The following SPATA1 variants were observed in gnomAD, a reference collection of about 807,000 sequenced individuals.
SPATA1 encodes spermatogenesis-associated protein 1.
A neutral mutation model predicts 59.6 loss-of-function variants in SPATA1; 57 were observed. The observed-to-expected ratio is 0.96, with a 90% CI of 0.77 to 1.19. SPATA1 has a LOEUF of 1.19. Ranked by LOEUF, SPATA1 falls within the 50% of genes most tolerant of loss-of-function variation. The pLI is 0.00. For missense variants in SPATA1, 448 were observed against 480.7 expected (o/e 0.93, Z 0.64); for synonymous variants, 147 against 163.9 (o/e 0.90, Z 0.79).
intron 1 of SPATA1, among the ~76,000 whole-genome samples, chr1:84,513,335 A>C (rs1682654632): frequency 6.6e-6 from 1 of 152,170 alleles, no homozygotes; most frequent in Non-Finnish European, 1.5e-5. Flanking sequence ...GGGTTTCTCC[A>C]TGTTGGTCAG....
At chr1:84,552,870 T>C (rs1301667452) in intron 12 of SPATA1, 1 of 553,024 alleles carries the variant, frequency 1.8e-6, no homozygotes, top group East Asian at 3.2e-5. Context: ...ACAGCATTCA[T>C]AATCTACACA....
chr1:84,556,645 GA>G (rs1684438939), downstream of SPATA1, among the ~76,000 whole-genome samples: 1 of 148,108 alleles, frequency 6.8e-6, no homozygotes, highest in African/African-American at 2.5e-5. Context: ...CCAGGAGACG[GA>G]GGTTGCAGTA....
intron 2 of SPATA1, among the ~76,000 whole-genome samples, chr1:84,518,131 C>G (rs1682872026): frequency 6.6e-6 from 1 of 151,778 alleles, no homozygotes; most frequent in African/African-American, 2.4e-5. Flanking sequence ...GACAACTGAC[C>G]CAATATCTTT....
At chr1:84,508,233 G>C (rs955723072) in intron 1 of SPATA1, among the ~76,000 whole-genome samples, 1 of 151,196 alleles carries the variant, frequency 6.6e-6, no homozygotes, top group African/African-American at 2.4e-5. Context: ...GCAGTGAGCC[G>C]AGATGGCACC....
At chr1:84,551,373 A>C in intron 12 of SPATA1, 1 of 754,894 alleles carries the variant, frequency 1.3e-6, no homozygotes. Flanking sequence ...AAAAATAAAA[A>C]TAAATAAAAT....
chr1:84,536,145 A>G (rs760934401), intron 8 of SPATA1, among the ~76,000 whole-genome samples: 2 of 152,268 alleles, frequency 1.3e-5, no homozygotes, highest in Non-Finnish European at 2.9e-5. Flanking sequence ...TCATGCTAGT[A>G]GAAACTTAGA....
intron 4 of SPATA1, among the ~76,000 whole-genome samples, chr1:84,564,839 C>T (rs1480919122): frequency 6.6e-6 from 1 of 152,014 alleles, no homozygotes; most frequent in Non-Finnish European, 1.5e-5. Flanking sequence ...TGCGGCCAGC[C>T]TGGGCAACAT....
At chr1:84,511,419 C>T (rs897782723) in intron 1 of SPATA1, among the ~76,000 whole-genome samples, 1 of 152,128 alleles carries the variant, frequency 6.6e-6, no homozygotes, top group Non-Finnish European at 1.5e-5. Context: ...ATCCTGAGAA[C>T]TTTTCAACTC....
At chr1:84,537,313 G>A (rs1363737960) in intron 8 of SPATA1, among the ~76,000 whole-genome samples, 1 of 152,178 alleles carries the variant, frequency 6.6e-6, no homozygotes, top group Non-Finnish European at 1.5e-5. Context: ...AATTGCCAAG[G>A]TGTCCCTAAG....
intron 9 of SPATA1, 73 bp downstream of exon 9, chr1:84,544,377 T>A: frequency 8.7e-7 from 1 of 1,143,552 alleles, no homozygotes; most frequent in Non-Finnish European, 1.3e-6. Flanking sequence ...GGAGTTACTG[T>A]TTAATGGGTA....
At position 84,548,778 on chromosome 1, in the gene SPATA1, T is replaced by A; in HGVS notation, c.947-8T>A. The A allele has an allele frequency of 1.7e-6, 2 of 1,204,620 alleles. No homozygotes were observed. Among genetic ancestry groups the A allele is most frequent in the Admixed American group, 4.8e-5 (1 of 20,968 alleles). The allele number at this position is 1,204,620 out of a possible 1,614,324, so 74.6% of individuals were successfully genotyped here. ...TTTTTTTTTTTTTTTTTTTTTTTTT[T>A]TTTATAGCCTACAATGGTTGGAAGA... On this transcript the variant is annotated splice_polypyrimidine_tract_variant and splice_region_variant and intron_variant, in intron 10 of 12. Transcript: ENST00000490879.
At chr1:84,555,155 C>A, downstream of SPATA1, 1 of 1,613,856 alleles carries the variant, frequency 6.2e-7, no homozygotes, top group African/African-American at 1.3e-5. Flanking sequence ...AAGAAATACT[C>A]TGAGGGTTAT....
intron 1 of SPATA1, among the ~76,000 whole-genome samples, chr1:84,508,872 C>G (rs917265234): frequency 2.0e-5 from 3 of 152,006 alleles, no homozygotes; most frequent in African/African-American, 4.8e-5. Flanking sequence ...AGTTAAAGAT[C>G]TGTACAAAGA....
chr1:84,558,685 G>A (rs1287393990), downstream of SPATA1, among the ~76,000 whole-genome samples: 16 of 151,600 alleles, frequency 1.1e-4, no homozygotes, highest in African/African-American at 3.6e-4. Flanking sequence ...AGAATCACTT[G>A]AGGCCAGGAG....
At chr1:84,544,409 T>C (rs1239056454) in intron 9 of SPATA1, 105 bp downstream of exon 9, 9 of 871,000 alleles carry the variant, frequency 1.0e-5, no homozygotes, top group African/African-American at 1.7e-5. Flanking sequence ...TTTGAGAAGA[T>C]AAATAAGTTC....
chr1:84,553,206 C>A, exon 13 of SPATA1: 1 of 771,296 alleles, frequency 1.3e-6, no homozygotes, highest in Non-Finnish European at 2.0e-6. Context: ...TTCTCCTTGG[C>A]AATGTTTTAT....
chr1:84,524,073 T>C (rs577178892), intron 4 of SPATA1, among the ~76,000 whole-genome samples: 7 of 151,576 alleles, frequency 4.6e-5, no homozygotes, highest in African/African-American at 7.2e-5. Flanking sequence ...ATTTTATATA[T>C]TCAAAAGAAA....
chr1:84,557,508 G>A (rs566506639), downstream of SPATA1, among the ~76,000 whole-genome samples: 48 of 136,448 alleles, frequency 3.5e-4, no homozygotes, highest in African/African-American at 1.4e-3. Context: ...ACTCCAGCCT[G>A]GGCGAAAAGA....
At chr1:84,539,171 G>A (rs942286756) in intron 8 of SPATA1, among the ~76,000 whole-genome samples, 9 of 152,164 alleles carry the variant, frequency 5.9e-5, no homozygotes, top group Admixed American at 2.0e-4. Flanking sequence ...ATGCTGAATG[G>A]AGTCTGTACA....
Sources: allele counts gnomAD v4.1 joint callset (sites outside exome capture counted in the v4.1 genomes callset), GRCh38; gene constraint gnomAD v4.1.1; transcripts MANE v1.5; gene names NCBI Gene and HGNC (gene_info 2026-07-23, HGNC 2026-07-21).